The following HSF2 variants were observed in gnomAD, a reference collection of about 807,000 sequenced individuals.
HSF2 encodes the protein heat shock factor protein 2.
Under a neutral mutation model 65.0 loss-of-function variants are expected in HSF2, and 21 were observed. The ratio of observed to expected loss-of-function variants is 0.32; its 90% CI spans 0.23 to 0.47. The LOEUF (loss-of-function observed/expected upper bound fraction) is 0.47. Ranked by LOEUF, HSF2 falls within the 20% of genes least tolerant of loss-of-function variation. The pLI is 1.00. For missense variants in HSF2, 499 were observed against 628.1 expected, an observed-to-expected ratio of 0.79 and a Z score of 2.20; for synonymous variants, 225 against 219.1, an observed-to-expected ratio of 1.03 and a Z score of -0.24.
Position 122,416,639 on chromosome 6 carries a change from C to T in HSF2, c.531+343C>T, listed in dbSNP as rs189811126. On this transcript the variant is annotated intron_variant, in intron 5 of 12. Transcript: ENST00000368455. The stretch of plus-strand genomic sequence containing the variant: ...TTTAAAATTAGAAAACATAGCCTTA[C>T]TGGTTTTTTTTGTTGGTTTTTATTA... Among the ~76,000 whole-genome samples the T allele has an allele frequency of 1.3e-3, 200 of 152,148 alleles. 2 individuals carry two copies. The highest frequency in any genetic ancestry group is 9.7e-4 in the East Asian group (5 of 5,176).
chr6:122,432,286 T>C lies in HSF2; in HGVS notation c.*66T>C. 2 of 1,319,504 alleles carry C rather than the reference T, an allele frequency of 1.5e-6. No homozygotes were observed. Among genetic ancestry groups the C allele is most frequent in the Non-Finnish European group, 2.1e-6 (2 of 951,342 alleles). 81.7% of individuals were successfully genotyped at this position (1,319,504 alleles called of 1,614,324 possible). On this transcript the variant is annotated 3_prime_UTR_variant, in exon 13 of 13. Transcript: ENST00000368455. ...ATGATGAACTATTTATTTTAAAGTA[T>C]CATTTGGTACTTTTTTTGTAAATTG...
At chr6:122,421,192 T>C (rs1187435742) in intron 7 of HSF2, among the ~76,000 whole-genome samples, 1 of 152,144 alleles carries the variant, frequency 6.6e-6, no homozygotes, top group Non-Finnish European at 1.5e-5. Flanking sequence ...TCACAGGCTT[T>C]CTGGATAATT....
chr6:122,419,303 C>A, intron 6 of HSF2, 74 bp downstream of exon 6: 1 of 665,430 alleles, frequency 1.5e-6, no homozygotes, highest in Middle Eastern at 2.8e-4. Flanking sequence ...CATGAGTAGC[C>A]TACACTTGCT....
chr6:122,414,097 A>G (rs1030750914), intron 4 of HSF2, among the ~76,000 whole-genome samples: 1 of 152,156 alleles, frequency 6.6e-6, no homozygotes, highest in Admixed American at 6.6e-5. Flanking sequence ...GGACACAAAA[A>G]AATCGGAAAA....
chr6:122,399,835 G>A lies in HSF2; in HGVS notation c.93+5G>A. On this transcript the variant is annotated splice_donor_5th_base_variant and intron_variant, in intron 1 of 12. Coordinates refer to ENST00000368455, the MANE Select transcript of HSF2 (RefSeq NM_004506.4). ...GAGTTCATCACCTGGAGCCAGGTAC[G>A]GTCAGGCCACGGCGGCCTCTGAACC... 2 of 1,607,764 alleles carry A rather than the reference G, an allele frequency of 1.2e-6. No homozygotes were observed. The highest frequency in any genetic ancestry group is 8.5e-7 in the Non-Finnish European group (1 of 1,175,684).
chr6:122,420,306 TGTG>T (rs1478951615), intron 7 of HSF2, 84 bp downstream of exon 7: 5 of 1,004,820 alleles, frequency 5.0e-6, no homozygotes, highest in Non-Finnish European at 7.2e-6. Flanking sequence ...TTCAAAGAAG[TGTG>T]GTGAATAACA....
chr6:122,399,713 T>C lies in HSF2; in HGVS notation c.-25T>C, dbSNP rs370304414. On this transcript the variant is annotated 5_prime_UTR_variant, in exon 1 of 13. Coordinates refer to ENST00000368455, the MANE Select transcript of HSF2 (RefSeq NM_004506.4). ...CTACCACCGCGTTCGGGTGTAGAAT[T>C]TGGAATCCCTGCGCCGCGTTAACAA... is the stretch of plus-strand genomic sequence containing the variant. 7.6e-5 allele frequency: 122 copies of C among 1,602,540 alleles called. No individual in the cohort carries two copies. In the African/African-American group the frequency reaches 1.6e-3, roughly 21 times the overall value.
At chr6:122,416,815 G>T (rs1562202094) in intron 5 of HSF2, among the ~76,000 whole-genome samples, 2 of 152,204 alleles carry the variant, frequency 1.3e-5, no homozygotes, top group African/African-American at 4.8e-5. Context: ...ATGAATTTTA[G>T]ATTTTAGTAT....
intron 1 of HSF2, among the ~76,000 whole-genome samples, chr6:122,408,567 C>T (rs1487223882): frequency 6.6e-6 from 1 of 152,010 alleles, no homozygotes; most frequent in Non-Finnish European, 1.5e-5. Flanking sequence ...AGATTTCTAG[C>T]TGTTGCTGGT....
upstream of HSF2, chr6:122,399,598 C>T: frequency 1.5e-6 from 1 of 660,002 alleles, no homozygotes. Context: ...TTGCCGCGCG[C>T]CTGGCGGGGT....
chr6:122,413,024 A>G (rs1774036783), intron 3 of HSF2, among the ~76,000 whole-genome samples: 1 of 152,084 alleles, frequency 6.6e-6, no homozygotes. Context: ...AGTACCTACA[A>G]TAAGTCTCTT....
At chr6:122,400,673 G>A (rs925291816) in intron 1 of HSF2, among the ~76,000 whole-genome samples, 11 of 152,280 alleles carry the variant, frequency 7.2e-5, no homozygotes, top group East Asian at 5.8e-4. Flanking sequence ...GGTTGCCTAG[G>A]TGACCCAAGA....
Position 122,409,544 on chromosome 6 carries a change from A to G in HSF2, c.94-2829A>G, listed in dbSNP as rs45464191. ...GAAAGTTCTTTTAAGATAGGAAAAG[A>G]CGTATGCATTTTAAGCATTTTAATT... On this transcript the variant is annotated intron_variant, in intron 1 of 12. Coordinates refer to ENST00000368455, the MANE Select transcript of HSF2 (RefSeq NM_004506.4). Among the ~76,000 whole-genome samples the G allele has an allele frequency of 2.6e-5, 4 of 152,134 alleles. No homozygotes were observed. The East Asian group carries it at 5.8e-4, about 22-fold the overall frequency.
Position 122,399,712 on chromosome 6 carries a change from T to A in HSF2, c.-26T>A. On this transcript the variant is annotated 5_prime_UTR_variant, in exon 1 of 13. Transcript: ENST00000368455. ...GCTACCACCGCGTTCGGGTGTAGAATTTGGAATCCCTGCGCCGCGTTAACA... is the reference window on the plus strand; with the variant it reads ...GCTACCACCGCGTTCGGGTGTAGAAATTGGAATCCCTGCGCCGCGTTAACA... 5.6e-6 allele frequency: 9 copies of A among 1,601,762 alleles called. No homozygotes were observed. The highest frequency in any genetic ancestry group is 7.7e-6 in the Non-Finnish European group (9 of 1,172,334).
At chr6:122,404,811 A>G (rs894743430) in intron 1 of HSF2, among the ~76,000 whole-genome samples, 1 of 152,222 alleles carries the variant, frequency 6.6e-6, no homozygotes, top group African/African-American at 2.4e-5. Flanking sequence ...GAAGTTATTT[A>G]CTAATTTTAG....
In HSF2 at chr6:122,432,447, T is replaced by C; in HGVS notation, c.*227T>C. 2.4e-6 allele frequency: 1 copy of C among 415,134 alleles called. No individual in the cohort carries two copies. The highest frequency in any genetic ancestry group is 4.3e-6 in the Non-Finnish European group (1 of 232,904). The allele number at this position is 415,134 out of a possible 1,614,324, so 25.7% of individuals were successfully genotyped here. On this transcript the variant is annotated 3_prime_UTR_variant, in exon 13 of 13. Transcript: ENST00000368455. ...ATGTAATGCACATTATTGGCGTATC[T>C]TTAAGTTGGATTCAAATGGCCATTT...
At chr6:122,427,231 G>A (rs961671340) in intron 10 of HSF2, among the ~76,000 whole-genome samples, 2 of 152,042 alleles carry the variant, frequency 1.3e-5, no homozygotes, top group African/African-American at 4.8e-5. Context: ...CTAGAGAGCA[G>A]GAATGATGTC....
intron 6 of HSF2, 34 bp downstream of exon 6, chr6:122,419,263 T>A (rs1774184051): frequency 9.5e-7 from 1 of 1,049,726 alleles, no homozygotes; most frequent in Non-Finnish European, 1.4e-6. Flanking sequence ...ATGTCCTGTA[T>A]ATAGGCAGTC....
At chr6:122,430,834 G>A (rs1774446622) in intron 11 of HSF2, among the ~76,000 whole-genome samples, 1 of 152,080 alleles carries the variant, frequency 6.6e-6, no homozygotes, top group South Asian at 2.1e-4. Flanking sequence ...TGTGAGGAGA[G>A]AAGAAAGTGG....
Sources: allele counts gnomAD v4.1 joint callset (sites outside exome capture counted in the v4.1 genomes callset), GRCh38; gene constraint gnomAD v4.1.1; transcripts MANE v1.5; gene names NCBI Gene and HGNC (gene_info 2026-07-23, HGNC 2026-07-21).